SPTA1: variants seen among roughly 807,000 people sequenced by gnomAD.
SPTA1 encodes the protein spectrin alpha, erythrocytic 1, also known as spectrin alpha chain, erythrocytic 1.
Under a neutral mutation model 324.7 loss-of-function variants are expected in SPTA1, and 177 were observed. The observed-to-expected ratio is 0.55, with a 90% confidence interval of 0.48 to 0.62. SPTA1 has a LOEUF of 0.62. Ranked by LOEUF, SPTA1 falls within the 20% of genes least tolerant of loss-of-function variation. The pLI, the probability that SPTA1 is intolerant of heterozygous loss-of-function variation, is 0.00. For missense variants in SPTA1, 3,162 were observed against 2,883.6 expected, an observed-to-expected ratio of 1.10 and a Z score of -2.21; for synonymous variants, 1,195 against 1,041.3, an observed-to-expected ratio of 1.15 and a Z score of -2.84.
Position 158,617,906 on chromosome 1 carries a change from T to C in SPTA1, c.6548+133A>G, listed in dbSNP as rs147763980. The C allele has an allele frequency of 4.3e-4, 385 of 902,544 alleles. No homozygotes were observed. The African/African-American group carries it at 5.6e-3, about 13-fold the overall frequency. 55.9% of individuals were successfully genotyped at this position (902,544 alleles called of 1,614,324 possible). ...GAATGAAATATAATGAGCTTTTCCT[T>C]CTCACTCCACATTTTTATTTACATA... On this transcript the variant is annotated intron_variant, in intron 46 of 51. Transcript: ENST00000643759.
rs1651835994 is a variant in SPTA1, at chr1:158,644,330, C to T, written c.4261G>A (p.Asp1421Asn). ...AGACTGTCTAAGGAACTTTTGTCAT[C>T]TGACCTCAGGGAATTCTCACGTGCC... ...MVARENSLRS[D>N]DKSSLDSLEA... Residue 1421 changes from aspartate to asparagine, a missense_variant, in exon 30 of 52, where the codon GAT becomes AAT. Physicochemically the swap from Asp to Asn is conservative, Grantham distance 23 (BLOSUM62 1). Transcript: ENST00000643759. 3 of 1,613,922 alleles carry T rather than the reference C, an allele frequency of 1.9e-6. No individual in the cohort carries two copies. Among genetic ancestry groups the T allele is most frequent in the Non-Finnish European group, 2.5e-6 (3 of 1,179,894 alleles).
At chr1:158,643,000 C>T (rs752017169) in intron 31 of SPTA1, 24 bp from the exon 32 acceptor site, 2 of 1,613,112 alleles carry the variant, frequency 1.2e-6, no homozygotes, top group East Asian at 4.5e-5. Flanking sequence ...CCAAATCACT[C>T]TATGCCCTCC....
Position 158,636,715 on chromosome 1 carries a change from G to A in SPTA1, c.5236C>T (p.Gln1746Ter). The change falls in exon 37 of 52, where the codon CAG becomes TAG. Residue 1746 changes from glutamine (Q) to a stop codon, truncating the protein, a stop_gained. Coordinates refer to ENST00000643759, the MANE Select transcript of SPTA1 (RefSeq NM_003126.4). LOFTEE classifies it high-confidence loss of function. ...TTCTTCAGCAAGTTCTGAACCCCCT[G>A]AAGATCTCTCCCATAGTCCTGGGAG... The part of the protein sequence containing the change: ...VSSQDYGRDL[Q>*]GVQNLLKKHK... The A allele has an allele frequency of 6.2e-7, 1 of 1,614,108 alleles. No individual in the cohort carries two copies. Among genetic ancestry groups the A allele is most frequent in the Non-Finnish European group, 8.5e-7 (1 of 1,180,000 alleles).
rs972758420 is a variant in SPTA1 at position 158,651,909 on chromosome 1, C to CTCTGTG, written c.3376-442_3376-441insCACAGA. Among the ~76,000 whole-genome samples, 949 of 145,104 alleles carry CTCTGTG rather than the reference C, an allele frequency of 6.5e-3. 14 individuals carry two copies. Among genetic ancestry groups the CTCTGTG allele is most frequent in the African/African-American group, 0.023 (914 of 39,464 alleles). On this transcript the variant is annotated intron_variant, in intron 23 of 51. Coordinates refer to ENST00000643759, the MANE Select transcript of SPTA1 (RefSeq NM_003126.4). ...TCTCTCTCTCTCTCTCTCTCTCTCTCTGTGTGTGTGTGTGCGCGTGTGTGT... is the reference window on the plus strand; with the variant it reads ...TCTCTCTCTCTCTCTCTCTCTCTCTCTCTGTGTGTGTGTGTGTGTGCGCGTGTGTGT...
chr1:158,661,196 A>T, intron 18 of SPTA1, 91 bp downstream of exon 18: 1 of 1,593,632 alleles, frequency 6.3e-7, no homozygotes, highest in Non-Finnish European at 8.6e-7. Context: ...AGATATTTTT[A>T]AATTCCCTTG....
At chr1:158,616,853 GC>G (rs1226702251) in intron 47 of SPTA1, among the ~76,000 whole-genome samples, 1 of 151,926 alleles carries the variant, frequency 6.6e-6, no homozygotes, top group African/African-American at 2.4e-5. Flanking sequence ...TTCCATAGTG[GC>G]TGTACTATTT....
At chr1:158,626,001 A>T in intron 42 of SPTA1, 145 bp downstream of exon 42, 1 of 655,112 alleles carries the variant, frequency 1.5e-6, no homozygotes, top group Non-Finnish European at 2.6e-6. Flanking sequence ...AAAAAATAAT[A>T]ATTAGGAAAT....
rs1287116255 is a variant in SPTA1 at position 158,653,479 on chromosome 1, C to A, written c.3037-54G>T. ...CATTAATTCTTGGAAAAGCAACAAA[C>A]GGGAGAGACTTCAACACTAAGTCTC... On this transcript the variant is annotated intron_variant, in intron 21 of 51. Transcript: ENST00000643759. 6 of 1,609,236 alleles carry A rather than the reference C, an allele frequency of 3.7e-6. No individual in the cohort carries two copies. The African/African-American group carries it at 5.3e-5, about 14-fold the overall frequency.
At chr1:158,669,367 A>G (rs976543116) in intron 14 of SPTA1, 41 bp downstream of exon 14, 1 of 1,613,272 alleles carries the variant, frequency 6.2e-7, no homozygotes, top group Admixed American at 1.7e-5. Flanking sequence ...AATGAAAGGA[A>G]CTCCTGATAA....
In SPTA1 at chr1:158,627,810, C is replaced by T. The variant is rs934440583; in HGVS notation, c.5566-87G>A. On this transcript the variant is annotated intron_variant, in intron 39 of 51. Transcript: ENST00000643759. ...ATTCAGACTCACGGGTCTATTATTC[C>T]CTAGGGTTGATTCAATGAAATTGGC... 3.8e-6 allele frequency: 5 copies of T among 1,311,378 alleles called. No individual in the cohort carries two copies. In the African/African-American group the frequency reaches 5.8e-5, roughly 15 times the overall value. The allele number at this position is 1,311,378 out of a possible 1,614,324, so 81.2% of individuals were successfully genotyped here. A position where few individuals can be genotyped will look rare whatever the true frequency, so the allele number is the denominator to read the frequency against.
intron 20 of SPTA1, 47 bp from the exon 21 acceptor site, chr1:158,654,795 TC>T: frequency 6.2e-7 from 1 of 1,609,170 alleles, no homozygotes; most frequent in Non-Finnish European, 8.5e-7. Flanking sequence ...TGGAAATATC[TC>T]CCTGTACAGC....
At chr1:158,636,270 T>C (rs1023226470) in intron 37 of SPTA1, among the ~76,000 whole-genome samples, 28 of 152,212 alleles carry the variant, frequency 1.8e-4, no homozygotes, top group African/African-American at 6.3e-4. Context: ...CTACTCTCCC[T>C]AATCTGCTTT....
chr1:158,652,329 A>G, intron 23 of SPTA1, 138 bp downstream of exon 23: 1 of 936,048 alleles, frequency 1.1e-6, no homozygotes, highest in Non-Finnish European at 1.7e-6. Flanking sequence ...ACCTAGAGGG[A>G]GATCTCAGCC....
Position 158,619,233 on chromosome 1 carries a change from G to C in SPTA1, c.6519C>G (p.Ile2173Met). The change falls in exon 45 of 52, where the codon ATC becomes ATG. Residue 2173 changes from isoleucine to methionine, a missense_variant. Physicochemically the swap from Ile to Met is conservative, Grantham distance 10 (BLOSUM62 1). Transcript: ENST00000643759. ...GTAGCATAGCACACCTGGTTTCCAG[G>C]ATCCATTGAAGGAAGGTACTGGCAT... is the stretch of plus-strand genomic sequence containing the variant. ...EQNASTFLQW[I>M]LETRAYFLDG... 1 of 1,613,986 alleles carries C rather than the reference G, an allele frequency of 6.2e-7. No homozygotes were observed. Among genetic ancestry groups the C allele is most frequent in the East Asian group, 2.2e-5 (1 of 44,856 alleles).
At chr1:158,654,935 G>C (rs1013811515) in intron 20 of SPTA1, among the ~76,000 whole-genome samples, 187 bp from the exon 21 acceptor site, 8 of 152,060 alleles carry the variant, frequency 5.3e-5, no homozygotes, top group Non-Finnish European at 1.2e-4. Flanking sequence ...ACTTATCGGG[G>C]ACAGGCAGGT....
chr1:158,648,380 A>G, intron 26 of SPTA1, 129 bp downstream of exon 26: 1 of 1,376,324 alleles, frequency 7.3e-7, no homozygotes, highest in Admixed American at 1.8e-5. Flanking sequence ...GTACAAGAAT[A>G]AATATGGCAC....
rs768589104 is a variant in SPTA1 at position 158,676,215 on chromosome 1, T to C, written c.1038A>G (p.Glu346=). The change falls in exon 8 of 52, where the codon GAA becomes GAG. Residue 346 remains glutamate, a synonymous_variant. Coordinates refer to ENST00000643759, the MANE Select transcript of SPTA1 (RefSeq NM_003126.4). The stretch of plus-strand genomic sequence containing the variant: ...TATGCTCCCAGCTGGAGACCAGATC[T>C]TCTTTCATCTCCTGGATCTGAGGTG... The part of the protein sequence containing the change: ...SDAPQIQEMK[E]DLVSSWEHIR... 1.9e-6 allele frequency: 3 copies of C among 1,613,822 alleles called. No individual in the cohort carries two copies. The highest frequency in any genetic ancestry group is 2.5e-6 in the Non-Finnish European group (3 of 1,179,812).
rs1338666701 is a variant in SPTA1, at chr1:158,642,492, A to T, written c.4656T>A (p.Ser1552=). 3.7e-6 allele frequency: 6 copies of T among 1,613,752 alleles called. No individual in the cohort carries two copies. The highest frequency in any genetic ancestry group is 5.1e-6 in the Non-Finnish European group (6 of 1,179,744). The change falls in exon 33 of 52, where the codon TCT becomes TCA. Residue 1552 remains serine (S), a synonymous_variant. Coordinates refer to ENST00000643759, the MANE Select transcript of SPTA1 (RefSeq NM_003126.4). ...GGTTGATGACGCCATGCACCTGCTCAGATCGGCCATCGACTTCATGTGCAA... is the reference window on the plus strand; with the variant it reads ...GGTTGATGACGCCATGCACCTGCTCTGATCGGCCATCGACTTCATGTGCAA... ...QTFAHEVDGR[S]EQVHGVINLG...
At chr1:158,622,378 T>C (rs1458203175) in intron 43 of SPTA1, among the ~76,000 whole-genome samples, 1 of 152,008 alleles carries the variant, frequency 6.6e-6, no homozygotes. Flanking sequence ...TATAATTATG[T>C]ATTATTAATA....
Sources: allele counts gnomAD v4.1 joint callset (sites outside exome capture counted in the v4.1 genomes callset), GRCh38; gene constraint gnomAD v4.1.1; transcripts MANE v1.5; gene names NCBI Gene and HGNC (gene_info 2026-07-23, HGNC 2026-07-21).